MIX23: variants seen among roughly 807,000 people sequenced by gnomAD.
MIX23 encodes the protein protein MIX23.
MIX23 carries 13 observed loss-of-function variants against 21.6 expected under a neutral mutation model. The observed-to-expected ratio is 0.60, with a 90% confidence interval of 0.39 to 0.96. The LOEUF (loss-of-function observed/expected upper bound fraction) is 0.96, where lower values mean the gene tolerates loss of function less well. MIX23 is among the 40% of genes least tolerant of loss of function. MIX23 has a pLI of 0.00. For synonymous variants in MIX23, 59 were observed against 58.0 expected, an observed-to-expected ratio of 1.02 and a Z score of -0.08; for missense variants, 144 against 171.2, an observed-to-expected ratio of 0.84 and a Z score of 0.89.
chr3:122,366,202 A>G, intron 3 of MIX23, among the ~76,000 whole-genome samples: 1 of 67,282 alleles, frequency 1.5e-5, no homozygotes, highest in East Asian at 1.0e-3. Flanking sequence ...AAATAAATAA[A>G]TAAATAAATA....
intron 3 of MIX23, chr3:122,365,741 T>G (rs1056819310): frequency 4.6e-5 from 7 of 152,274 alleles, no homozygotes; most frequent in African/African-American, 1.7e-4. Flanking sequence ...AGTCACTCTG[T>G]TGTTTGACTT....
intron 3 of MIX23, among the ~76,000 whole-genome samples, chr3:122,366,944 C>T (rs201230040): frequency 1.3e-5 from 2 of 148,588 alleles, no homozygotes; most frequent in Admixed American, 1.3e-4. Flanking sequence ...TCTCAAAAAA[C>T]AAAAAAAAAA....
chr3:122,364,503 A>C (rs2075382067), intron 3 of MIX23, among the ~76,000 whole-genome samples: 1 of 152,244 alleles, frequency 6.6e-6, no homozygotes, highest in Non-Finnish European at 1.5e-5. Flanking sequence ...AAGGGATACT[A>C]TGTAGAAAAG....
chr3:122,360,412 AG>A (rs1470950512), intron 4 of MIX23, among the ~76,000 whole-genome samples: 2 of 152,320 alleles, frequency 1.3e-5, no homozygotes, highest in African/African-American at 4.8e-5. Flanking sequence ...GGGAAAAAAA[AG>A]TGTGAATAGT....
chr3:122,370,249 C>T (rs1319643733), intron 2 of MIX23, among the ~76,000 whole-genome samples: 1 of 151,920 alleles, frequency 6.6e-6, no homozygotes, highest in Non-Finnish European at 1.5e-5. Context: ...GTCAGCAGTT[C>T]AAGACCAGAC....
intron 1 of MIX23, among the ~76,000 whole-genome samples, chr3:122,374,671 C>T (rs1177048265): frequency 6.6e-6 from 1 of 152,038 alleles, no homozygotes; most frequent in Non-Finnish European, 1.5e-5. Flanking sequence ...GGCCAACTGT[C>T]CTATGTCTAG....
chr3:122,364,508 G>T (rs1349319779), intron 3 of MIX23, among the ~76,000 whole-genome samples: 3 of 152,206 alleles, frequency 2.0e-5, no homozygotes, highest in Non-Finnish European at 4.4e-5. Context: ...ATACTATGTA[G>T]AAAAGGGTTC....
chr3:122,361,551 T>C (rs996205153), intron 4 of MIX23, among the ~76,000 whole-genome samples: 1 of 152,140 alleles, frequency 6.6e-6, no homozygotes, highest in South Asian at 2.1e-4. Flanking sequence ...TTCTGTGGAG[T>C]GGATAGAACA....
intron 1 of MIX23, among the ~76,000 whole-genome samples, chr3:122,380,316 ACT>A (rs2075520533): frequency 4.6e-5 from 7 of 151,970 alleles, no homozygotes; most frequent in Admixed American, 4.6e-4. Flanking sequence ...GGTTCCTCAA[ACT>A]CTATTTTTAC....
intron 3 of MIX23, among the ~76,000 whole-genome samples, chr3:122,365,838 T>C (rs1246536081): frequency 6.6e-6 from 1 of 152,156 alleles, no homozygotes. Context: ...GGCGTTGAAA[T>C]ACAAACTCCA....
chr3:122,371,679 T>C lies in MIX23; in HGVS notation c.173A>G (p.Glu58Gly), dbSNP rs527851064. 6.2e-7 allele frequency: 1 copy of C among 1,611,980 alleles called. No individual in the cohort carries two copies. Among genetic ancestry groups the C allele is most frequent in the African/African-American group, 1.3e-5 (1 of 74,964 alleles). Residue 58 changes from glutamate (E) to glycine (G), a missense_variant, in exon 2 of 5, where the codon GAG becomes GGG. Coordinates refer to ENST00000291458, the MANE Select transcript of MIX23 (RefSeq NM_001017928.4). ...AGACTCAAAAAATACACTTACAGACTCATAAAGTTGTTTACAGGTTTGGCT... is the reference window on the plus strand; with the variant it reads ...AGACTCAAAAAATACACTTACAGACCCATAAAGTTGTTTACAGGTTTGGCT... ...DASQTCKQLY[E>G]SLMAAHASRD...
At chr3:122,382,385 C>T (rs974513946) in intron 1 of MIX23, among the ~76,000 whole-genome samples, 1 of 152,154 alleles carries the variant, frequency 6.6e-6, no homozygotes, top group African/African-American at 2.4e-5. Flanking sequence ...TCAAGAATAC[C>T]ACTACCTTCA....
At chr3:122,374,297 G>C (rs780681225) in intron 1 of MIX23, among the ~76,000 whole-genome samples, 9 of 152,014 alleles carry the variant, frequency 5.9e-5, no homozygotes, top group Non-Finnish European at 8.8e-5. Context: ...GTATCACAGA[G>C]CTCATTATTT....
At chr3:122,382,633 A>C (rs1022937608) in intron 1 of MIX23, among the ~76,000 whole-genome samples, 2 of 152,224 alleles carry the variant, frequency 1.3e-5, no homozygotes, top group Non-Finnish European at 2.9e-5. Flanking sequence ...ATTTGAACAT[A>C]AAAAGGCAAA....
intron 1 of MIX23, among the ~76,000 whole-genome samples, chr3:122,382,039 T>G (rs1178214403): frequency 1.3e-5 from 2 of 152,244 alleles, no homozygotes; most frequent in Non-Finnish European, 2.9e-5. Flanking sequence ...CCTAGCGGAC[T>G]AATACAGTAT....
chr3:122,383,034 CAT>C lies in MIX23; in HGVS notation c.51+138_51+139del. 4.4e-6 allele frequency: 5 copies of C among 1,131,650 alleles called. No homozygotes were observed. In the South Asian group the frequency reaches 6.2e-5, roughly 14 times the overall value. 70.1% of individuals were successfully genotyped at this position (1,131,650 alleles called of 1,614,324 possible). A position where few individuals can be genotyped will look rare whatever the true frequency, so the allele number is the denominator to read the frequency against. Reference sequence around the variant, plus strand: ...TCCCTAAGGCCAAACCCGCGCCCCCCATGACCTCCAATGGCTCGAGAAAAGAG... The same window carrying C: ...TCCCTAAGGCCAAACCCGCGCCCCCCGACCTCCAATGGCTCGAGAAAAGAG... On this transcript the variant is annotated intron_variant, in intron 1 of 4. Transcript: ENST00000291458.
At chr3:122,370,526 A>G (rs2075433610) in intron 2 of MIX23, among the ~76,000 whole-genome samples, 1 of 150,722 alleles carries the variant, frequency 6.6e-6, no homozygotes, top group African/African-American at 2.4e-5. Context: ...CCCAGCTAGG[A>G]GGTAGCAGAT....
intron 1 of MIX23, among the ~76,000 whole-genome samples, chr3:122,372,150 GT>G (rs979620887): frequency 8.1e-6 from 1 of 122,704 alleles, no homozygotes; most frequent in Admixed American, 1.1e-4. Flanking sequence ...TGTACTACTA[GT>G]TTTTATTTTT....
chr3:122,366,801 T>C (rs1405210952), intron 3 of MIX23: 8 of 151,718 alleles, frequency 5.3e-5, no homozygotes, highest in African/African-American at 1.9e-4. Flanking sequence ...ATAAGCTGGG[T>C]GTGGTGGTTC....
Sources: gnomAD v4.1 joint callset for allele counts (sites outside exome capture counted in the v4.1 genomes callset) on GRCh38, gnomAD v4.1.1 for gene constraint, MANE v1.5 for transcripts, NCBI Gene and HGNC (gene_info 2026-07-23, HGNC 2026-07-21) for gene names.